Variants in PLCB4 observed in about 807,000 individuals in gnomAD.
PLCB4 encodes 1-phosphatidylinositol 4,5-bisphosphate phosphodiesterase beta-4.
In PLCB4, 77 loss-of-function variants were observed where a neutral mutation model predicts 178.8. The ratio of observed to expected loss-of-function variants is 0.43; its 90% confidence interval spans 0.36 to 0.52. PLCB4 has a LOEUF of 0.52. Among genes scored for constraint, PLCB4 ranks in the 20% least tolerant of loss-of-function variants. The pLI, the probability that PLCB4 is intolerant of heterozygous loss-of-function variation, is 0.00. For synonymous variants in PLCB4, 496 were observed against 490.8 expected, an observed-to-expected ratio of 1.01 and a Z score of -0.14; for missense variants, 1,024 against 1,453.4, an observed-to-expected ratio of 0.70 and a Z score of 4.80.
chr20:9,212,918 T>C (rs2093687948), intron 2 of PLCB4, among the ~76,000 whole-genome samples: 1 of 152,096 alleles, frequency 6.6e-6, no homozygotes, highest in Admixed American at 6.6e-5. Context: ...TGGTTTTTAG[T>C]ATTAATATAT....
chr20:9,349,336 C>T (rs1248620638), intron 7 of PLCB4, among the ~76,000 whole-genome samples: 1 of 152,160 alleles, frequency 6.6e-6, no homozygotes, highest in Admixed American at 6.5e-5. Context: ...TCTAATGAGT[C>T]TTTTTATTCC....
intron 3 of PLCB4, among the ~76,000 whole-genome samples, chr20:9,253,405 C>T (rs1016289953): frequency 5.4e-4 from 82 of 152,164 alleles, no homozygotes; most frequent in African/African-American, 1.9e-3. Context: ...CAAGGTAGGG[C>T]TCCTGCTCTG....
At chr20:9,198,746 A>T (rs779814509) in intron 2 of PLCB4, among the ~76,000 whole-genome samples, 1 of 152,200 alleles carries the variant, frequency 6.6e-6, no homozygotes, top group Non-Finnish European at 1.5e-5. Context: ...AGATTATCTC[A>T]GTTCCAGAGA....
At chr20:9,445,366 C>T (rs554923102) in intron 32 of PLCB4, among the ~76,000 whole-genome samples, 1 of 152,158 alleles carries the variant, frequency 6.6e-6, no homozygotes, top group Non-Finnish European at 1.5e-5. Context: ...TTTCTTTATT[C>T]TCTGACCCAA....
intron 25 of PLCB4, among the ~76,000 whole-genome samples, chr20:9,414,589 A>G (rs943314050): frequency 1.3e-5 from 2 of 152,210 alleles, no homozygotes; most frequent in Middle Eastern, 3.2e-3. Context: ...ATCAGTGTGC[A>G]AAGTACACAA....
Position 9,365,443 on chromosome 20 carries a change from A to T in PLCB4, c.450-18A>T. On this transcript the variant is annotated intron_variant, in intron 8 of 39. Transcript: ENST00000378473. ...CTCTAAGAAACATTAAGGCAATGTT[A>T]TTGCTATTGTTTTGCAGCTGGATGA... 2.6e-6 allele frequency: 4 copies of T among 1,563,124 alleles called. No homozygotes were observed. The highest frequency in any genetic ancestry group is 3.5e-6 in the Non-Finnish European group (4 of 1,134,560).
At chr20:9,244,121 A>C (rs1391494738) in intron 3 of PLCB4, among the ~76,000 whole-genome samples, 2 of 152,116 alleles carry the variant, frequency 1.3e-5, no homozygotes, top group African/African-American at 4.8e-5. Flanking sequence ...GGTGTTGGTT[A>C]AGCTTAGAGT....
At position 9,480,682 on chromosome 20, in the gene PLCB4, C is replaced by G. The variant is rs1276269479; in HGVS notation, c.*1673C>G. On this transcript the variant is annotated 3_prime_UTR_variant, in exon 40 of 40. Coordinates refer to ENST00000378473, the MANE Select transcript of PLCB4 (RefSeq NM_001377142.1). ...TCCTATTTATGATTTGAAGTGGATTCTGTAAAATATCTCTTGTTCTTAGTT... is the reference window on the plus strand; with the variant it reads ...TCCTATTTATGATTTGAAGTGGATTGTGTAAAATATCTCTTGTTCTTAGTT... 5 of 152,138 alleles carry G rather than the reference C, an allele frequency of 3.3e-5. No individual in the cohort carries two copies. Among genetic ancestry groups the G allele is most frequent in the Admixed American group, 3.3e-4 (5 of 15,278 alleles). The allele number at this position is 152,138 out of a possible 1,614,324, so 9.4% of individuals were successfully genotyped here.
chr20:9,167,814 C>T (rs371564601), intron 2 of PLCB4, among the ~76,000 whole-genome samples: 9 of 152,128 alleles, frequency 5.9e-5, no homozygotes, highest in Non-Finnish European at 8.8e-5. Flanking sequence ...CAGTTAGGCA[C>T]GCCTTAAACA....
chr20:9,380,026 C>A (rs754477205), intron 12 of PLCB4, 28 bp from the exon 13 acceptor site: 2 of 1,226,268 alleles, frequency 1.6e-6, no homozygotes, highest in Non-Finnish European at 2.4e-6. Flanking sequence ...GAAATATCAA[C>A]CTAAATGGAG....
intron 36 of PLCB4, among the ~76,000 whole-genome samples, chr20:9,472,099 G>A (rs1244343168): frequency 6.6e-6 from 1 of 152,174 alleles, no homozygotes; most frequent in Non-Finnish European, 1.5e-5. Flanking sequence ...ATAATGAAGT[G>A]GTCTGGAACA....
chr20:9,437,677 G>C (rs959243117), intron 30 of PLCB4, among the ~76,000 whole-genome samples: 2 of 152,226 alleles, frequency 1.3e-5, no homozygotes, highest in African/African-American at 4.8e-5. Context: ...CTGATAGGGA[G>C]TGGCAAGGAG....
rs543008302 is a variant in PLCB4 at position 9,200,087 on chromosome 20, G to C, written c.-78-17303G>C. On this transcript the variant is annotated intron_variant, in intron 2 of 39. Coordinates refer to ENST00000378473, the MANE Select transcript of PLCB4 (RefSeq NM_001377142.1). ...ATAGCAGCAGATGTTCCCAAAGTTA[G>C]TTATTGAAAATGACAGTCTCAGTTT... Among the ~76,000 whole-genome samples, 15 of 146,376 alleles carry C rather than the reference G, an allele frequency of 1.0e-4. No individual in the cohort carries two copies. In the East Asian group the frequency reaches 3.0e-3, roughly 29 times the overall value.
intron 2 of PLCB4, among the ~76,000 whole-genome samples, chr20:9,196,653 G>T (rs1401220028): frequency 4.6e-5 from 7 of 152,136 alleles, no homozygotes; most frequent in Admixed American, 1.3e-4. Context: ...GAAGATTAGG[G>T]GTAGCCAAAA....
intron 3 of PLCB4, among the ~76,000 whole-genome samples, chr20:9,260,166 G>C (rs1421386951): frequency 6.6e-6 from 1 of 151,932 alleles, no homozygotes; most frequent in Non-Finnish European, 1.5e-5. Flanking sequence ...GTTTCAAAGG[G>C]CTATTTGTAA....
chr20:9,461,119 A>G (rs1028252030), intron 35 of PLCB4, among the ~76,000 whole-genome samples: 2 of 152,340 alleles, frequency 1.3e-5, no homozygotes, highest in South Asian at 4.1e-4. Flanking sequence ...GCACTTGTCT[A>G]ATCTTCTTTT....
At chr20:9,214,403 A>G (rs141867872) in intron 2 of PLCB4, among the ~76,000 whole-genome samples, 93 of 152,252 alleles carry the variant, frequency 6.1e-4, no homozygotes, top group African/African-American at 2.2e-3. Flanking sequence ...GTCTCTCCCC[A>G]TTGAATGGTC....
At chr20:9,092,841 A>G (rs1425608714) in intron 1 of PLCB4, among the ~76,000 whole-genome samples, 1 of 152,164 alleles carries the variant, frequency 6.6e-6, no homozygotes, top group Non-Finnish European at 1.5e-5. Flanking sequence ...CATGAGAATG[A>G]ACTTTCTCAG....
chr20:9,084,192 G>A (rs973931160), intron 1 of PLCB4, among the ~76,000 whole-genome samples: 2 of 152,172 alleles, frequency 1.3e-5, no homozygotes, highest in Non-Finnish European at 2.9e-5. Context: ...GATAAATCAT[G>A]TCTTTCTTTA....
Sources: allele counts gnomAD v4.1 joint callset (sites outside exome capture counted in the v4.1 genomes callset), GRCh38; gene constraint gnomAD v4.1.1; transcripts MANE v1.5; gene names NCBI Gene and HGNC (gene_info 2026-07-23, HGNC 2026-07-21).